The following CACNA2D3 variants were observed in gnomAD, a reference collection of about 807,000 sequenced individuals.
CACNA2D3 encodes voltage-dependent calcium channel subunit alpha-2/delta-3.
In CACNA2D3, 60 loss-of-function variants were observed where a neutral mutation model predicts 160.6. That is an observed-to-expected ratio of 0.37 (90% CI 0.30 to 0.46). The LOEUF is 0.46. Ranked by LOEUF, CACNA2D3 falls within the 20% of genes least tolerant of loss-of-function variation. The probability of loss-of-function intolerance (pLI) is 1.00; values close to 1 mark genes in which losing one functional copy is unlikely to be tolerated. For missense variants in CACNA2D3, 1,205 were observed against 1,365.0 expected (o/e 0.88, Z 1.85); for synonymous variants, 558 against 492.9 (o/e 1.13, Z -1.75).
chr3:54,662,876 C>G (rs183892461), intron 11 of CACNA2D3, among the ~76,000 whole-genome samples: 16 of 152,354 alleles, frequency 1.1e-4, no homozygotes, highest in Admixed American at 2.0e-4. Context: ...TGATGACCAA[C>G]TTAGGCTTGT....
In CACNA2D3 at chr3:54,899,963, A is replaced by G. The variant is rs1700288801; in HGVS notation, c.2449+95A>G. ...TCTGTGAGGCACGCTTATCCTCCAAAAAGGTTTTCAAAGGAGAAAACAATT... is the reference window on the plus strand; with the variant it reads ...TCTGTGAGGCACGCTTATCCTCCAAGAAGGTTTTCAAAGGAGAAAACAATT... On this transcript the variant is annotated intron_variant, in intron 27 of 37. Coordinates refer to ENST00000474759, the MANE Select transcript of CACNA2D3 (RefSeq NM_018398.3). 5 of 815,212 alleles carry G rather than the reference A, an allele frequency of 6.1e-6. No individual in the cohort carries two copies. In the East Asian group the frequency reaches 1.3e-4, roughly 22 times the overall value. 50.5% of individuals were successfully genotyped at this position (815,212 alleles called of 1,614,324 possible). A position where few individuals can be genotyped will look rare whatever the true frequency, so the allele number is the denominator to read the frequency against.
At chr3:54,901,275 A>G (rs1490165401) in intron 27 of CACNA2D3, 1 of 152,144 alleles carries the variant, frequency 6.6e-6, no homozygotes, top group Admixed American at 6.5e-5. Context: ...TCTGTTTGAA[A>G]TTTCTTTTTA....
At chr3:54,273,719 C>G (rs547569979) in intron 2 of CACNA2D3, among the ~76,000 whole-genome samples, 6 of 152,290 alleles carry the variant, frequency 3.9e-5, no homozygotes, top group South Asian at 4.1e-4. Context: ...CGACCGTTCT[C>G]GGAGTTTGAG....
At chr3:54,935,654 T>C (rs1175105658) in intron 27 of CACNA2D3, among the ~76,000 whole-genome samples, 1 of 152,220 alleles carries the variant, frequency 6.6e-6, no homozygotes, top group Non-Finnish European at 1.5e-5. Flanking sequence ...TTTTTTGCAG[T>C]TCTTGTTGTT....
chr3:55,028,539 A>G (rs1029057133), intron 35 of CACNA2D3, among the ~76,000 whole-genome samples: 7 of 152,166 alleles, frequency 4.6e-5, no homozygotes, highest in African/African-American at 1.4e-4. Flanking sequence ...ATGTTTTACT[A>G]TTTTCCAGTA....
At chr3:54,331,393 A>AT (rs1487078020) in intron 3 of CACNA2D3, among the ~76,000 whole-genome samples, 1 of 152,134 alleles carries the variant, frequency 6.6e-6, no homozygotes, top group African/African-American at 2.4e-5. Context: ...CAACCCCTGC[A>AT]TTAGTCAGAT....
intron 10 of CACNA2D3, among the ~76,000 whole-genome samples, chr3:54,640,750 C>CT (rs1699499971): frequency 6.6e-6 from 1 of 152,186 alleles, no homozygotes; most frequent in Non-Finnish European, 1.5e-5. Context: ...ATGTTACTGA[C>CT]TTTCTCCCTA....
chr3:55,015,589 T>G (rs777606225), intron 34 of CACNA2D3, among the ~76,000 whole-genome samples: 1 of 152,236 alleles, frequency 6.6e-6, no homozygotes, highest in East Asian at 1.9e-4. Context: ...GGGACTCACT[T>G]TTTGAAATTC....
intron 5 of CACNA2D3, among the ~76,000 whole-genome samples, chr3:54,525,390 A>G (rs970391332): frequency 2.0e-5 from 3 of 152,130 alleles, no homozygotes; most frequent in Non-Finnish European, 4.4e-5. Context: ...TGTCTTTCAT[A>G]GTTACATATT....
At chr3:54,706,199 G>A (rs995887510) in intron 11 of CACNA2D3, among the ~76,000 whole-genome samples, 1 of 152,194 alleles carries the variant, frequency 6.6e-6, no homozygotes, top group Admixed American at 6.5e-5. Context: ...TTTAACATAA[G>A]GAGATACCTT....
At chr3:54,166,328 T>C (rs1700454351) in intron 2 of CACNA2D3, among the ~76,000 whole-genome samples, 1 of 152,236 alleles carries the variant, frequency 6.6e-6, no homozygotes, top group Admixed American at 6.5e-5. Context: ...CTCTAAATTA[T>C]AATGCTCCTT....
intron 11 of CACNA2D3, among the ~76,000 whole-genome samples, chr3:54,658,190 CATAT>C (rs1269495089): frequency 2.6e-5 from 4 of 152,176 alleles, no homozygotes; most frequent in Non-Finnish European, 5.9e-5. Flanking sequence ...TTTCTTTGGA[CATAT>C]ACCAAGAAGT....
chr3:54,764,603 C>T (rs965718017), intron 13 of CACNA2D3, among the ~76,000 whole-genome samples: 4 of 152,162 alleles, frequency 2.6e-5, no homozygotes, highest in African/African-American at 4.8e-5. Flanking sequence ...TGTCTTTTCT[C>T]GTTACTTCTG....
intron 35 of CACNA2D3, among the ~76,000 whole-genome samples, chr3:55,065,473 T>C (rs1319424380): frequency 6.6e-6 from 1 of 152,210 alleles, no homozygotes; most frequent in Non-Finnish European, 1.5e-5. Flanking sequence ...CCAACAAGAA[T>C]GTCAGTATTC....
At chr3:54,725,147 A>G (rs1701252872) in intron 11 of CACNA2D3, among the ~76,000 whole-genome samples, 1 of 152,248 alleles carries the variant, frequency 6.6e-6, no homozygotes, top group Non-Finnish European at 1.5e-5. Flanking sequence ...CTATGCAAAT[A>G]AACTAGAAAA....
At chr3:54,739,035 C>T (rs1384112092) in intron 11 of CACNA2D3, among the ~76,000 whole-genome samples, 1 of 151,908 alleles carries the variant, frequency 6.6e-6, no homozygotes, top group Non-Finnish European at 1.5e-5. Flanking sequence ...GTCCCAGCTT[C>T]TTGGGAGGTT....
chr3:54,803,778 G>T (rs1703050323), intron 13 of CACNA2D3, among the ~76,000 whole-genome samples: 1 of 152,104 alleles, frequency 6.6e-6, no homozygotes, highest in Non-Finnish European at 1.5e-5. Flanking sequence ...TGGAAATGAA[G>T]GAAAAAATGT....
At chr3:54,521,022 C>G (rs1336706997) in intron 5 of CACNA2D3, among the ~76,000 whole-genome samples, 2 of 91,916 alleles carry the variant, frequency 2.2e-5, no homozygotes, top group Non-Finnish European at 5.0e-5. Flanking sequence ...TTGATGGGCA[C>G]TTGGGTTGCT....
At chr3:54,221,763 G>C (rs1377264049) in intron 2 of CACNA2D3, among the ~76,000 whole-genome samples, 2 of 152,092 alleles carry the variant, frequency 1.3e-5, no homozygotes, top group Non-Finnish European at 1.5e-5. Flanking sequence ...AACTAATGGA[G>C]TGTAAATGCT....
Sources: allele counts gnomAD v4.1 joint callset (sites outside exome capture counted in the v4.1 genomes callset), GRCh38; gene constraint gnomAD v4.1.1; transcripts MANE v1.5; gene names NCBI Gene and HGNC (gene_info 2026-07-23, HGNC 2026-07-21).